The following PLPP7 variants were observed in gnomAD, a reference collection of about 807,000 sequenced individuals.
PLPP7 encodes the protein inactive phospholipid phosphatase 7.
In PLPP7, 11 loss-of-function variants were observed where a neutral mutation model predicts 16.9. The observed-to-expected ratio is 0.65, with a 90% CI of 0.41 to 1.08. PLPP7 has a LOEUF of 1.08. Ranked by LOEUF, PLPP7 falls within the 50% of genes least tolerant of loss-of-function variation. The pLI, the probability that PLPP7 is intolerant of heterozygous loss-of-function variation, is 0.00. For synonymous variants in PLPP7, 174 were observed against 175.1 expected, an observed-to-expected ratio of 0.99 and a Z score of 0.05; for missense variants, 358 against 397.1, an observed-to-expected ratio of 0.90 and a Z score of 0.84.
intron 1 of PLPP7, among the ~76,000 whole-genome samples, chr9:131,296,140 A>G (rs1487181803): frequency 2.0e-5 from 3 of 152,126 alleles, no homozygotes; most frequent in African/African-American, 7.2e-5. Flanking sequence ...GGGCTCCCAT[A>G]TATCCACATC....
chr9:131,297,408 G>C (rs1835745939), intron 1 of PLPP7, among the ~76,000 whole-genome samples: 1 of 143,172 alleles, frequency 7.0e-6, no homozygotes, highest in South Asian at 2.4e-4. Flanking sequence ...TTTTTCTGAA[G>C]AGAGTCTTGC....
intron 1 of PLPP7, among the ~76,000 whole-genome samples, chr9:131,300,793 T>C (rs2478861): frequency 0.69 from 103,451 of 150,930 alleles, 36,013 homozygotes; most frequent in Middle Eastern, 0.79. Context: ...GTGGGGAGGT[T>C]GAGGCACCCA....
chr9:131,291,468 C>T (rs780190797), intron 1 of PLPP7: 2 of 1,047,608 alleles, frequency 1.9e-6, no homozygotes, highest in Non-Finnish European at 1.2e-6. Context: ...AGGCTCTATG[C>T]TCTCTGGGTG....
chr9:131,307,158 A>G (rs1164132514), intron 1 of PLPP7, among the ~76,000 whole-genome samples: 1 of 151,580 alleles, frequency 6.6e-6, no homozygotes, highest in African/African-American at 2.4e-5. Flanking sequence ...AAGTATGAGA[A>G]TTCCTTGAAC....
chr9:131,307,828 G>A, intron 1 of PLPP7, 95 bp from the exon 2 acceptor site: 1 of 1,292,806 alleles, frequency 7.7e-7, no homozygotes, highest in African/African-American at 1.5e-5. Context: ...TGAGTGAGGA[G>A]CAGAAAGGGG....
At chr9:131,298,495 AC>A (rs1416787964) in intron 1 of PLPP7, among the ~76,000 whole-genome samples, 1 of 148,282 alleles carries the variant, frequency 6.7e-6, no homozygotes, top group African/African-American at 2.5e-5. Context: ...TTCACCTCCC[AC>A]CCCTACCCCA....
At chr9:131,301,484 A>G (rs1202514082) in intron 1 of PLPP7, among the ~76,000 whole-genome samples, 3 of 152,066 alleles carry the variant, frequency 2.0e-5, no homozygotes, top group African/African-American at 7.2e-5. Flanking sequence ...GTCACCAACC[A>G]CCACCACCAG....
At chr9:131,303,554 A>C (rs1031480949) in intron 1 of PLPP7, among the ~76,000 whole-genome samples, 1 of 151,444 alleles carries the variant, frequency 6.6e-6, no homozygotes, top group South Asian at 2.1e-4. Flanking sequence ...AATACTGAAA[A>C]GTTTTCTAGG....
In PLPP7 at chr9:131,292,272, C is replaced by T. The variant is rs143255882; in HGVS notation, c.451+1824C>T. 6.4e-4 allele frequency among the ~76,000 whole-genome samples: 98 copies of T among 152,318 alleles called. No individual in the cohort carries two copies. In the East Asian group the frequency reaches 0.016, roughly 25 times the overall value. On this transcript the variant is annotated intron_variant, in intron 1 of 1. Transcript: ENST00000372264. ...GCTGTCAGAAGATGGGGTGGGAAGG[C>T]ATACACTCCAGTCTGTCTCTCAACC...
In PLPP7 at chr9:131,289,831, A is replaced by G. The variant is rs1835641200; in HGVS notation, c.-167A>G. The G allele has an allele frequency of 2.1e-6, 1 of 487,616 alleles. No individual in the cohort carries two copies. The highest frequency in any genetic ancestry group is 4.4e-5 in the Admixed American group (1 of 22,954). The allele number at this position is 487,616 out of a possible 1,614,324, so 30.2% of individuals were successfully genotyped here. A position where few individuals can be genotyped will look rare whatever the true frequency, so the allele number is the denominator to read the frequency against. ...TGACGTCCCCTTGGAGCTGGGTGGC[A>G]GAGGAGATAAACAGCCATGTGCAAC... On this transcript the variant is annotated 5_prime_UTR_variant, in exon 1 of 2. Coordinates refer to ENST00000372264, the MANE Select transcript of PLPP7 (RefSeq NM_032728.4).
In PLPP7 at chr9:131,308,189, G is replaced by A. The variant is rs146890476; in HGVS notation, c.718G>A (p.Val240Ile). 17 of 1,599,964 alleles carry A rather than the reference G, an allele frequency of 1.1e-5. No individual in the cohort carries two copies. The highest frequency in any genetic ancestry group is 3.3e-5 in the South Asian group (3 of 91,090). Residue 240 changes from valine (V) to isoleucine (I), a missense_variant, in exon 2 of 2, where the codon GTC becomes ATC. Transcript: ENST00000372264. Reference sequence around the variant, plus strand: ...GATCGGCCGCCACCACGTCACGGACGTCCTCTCCGGCTTTGTCATCGGCTA... The same window carrying A: ...GATCGGCCGCCACCACGTCACGGACATCCTCTCCGGCTTTGTCATCGGCTA... ...VMIGRHHVTD[V>I]LSGFVIGYLQ... is the part of the protein sequence containing the mutation.
chr9:131,293,185 C>T (rs774667844), intron 1 of PLPP7, among the ~76,000 whole-genome samples: 4 of 152,152 alleles, frequency 2.6e-5, no homozygotes, highest in Non-Finnish European at 4.4e-5. Flanking sequence ...GAAGTAAATC[C>T]AAGGCCCCGT....
chr9:131,291,557 CTTTTT>C (rs940950338), intron 1 of PLPP7: 62 of 161,726 alleles, frequency 3.8e-4, no homozygotes, highest in Non-Finnish European at 5.9e-4. Flanking sequence ...TTTCTTGTTC[CTTTTT>C]TTTTTTTTTT....
At position 131,290,678 on chromosome 9, in the gene PLPP7, G is replaced by T. The variant is rs1835662519; in HGVS notation, c.451+230G>T. Among the ~76,000 whole-genome samples the T allele has an allele frequency of 6.6e-6, 1 of 152,232 alleles. No individual in the cohort carries two copies. The highest frequency in any genetic ancestry group is 1.5e-5 in the Non-Finnish European group (1 of 68,040). Reference sequence around the variant, plus strand: ...TGCCACATGCCAAATGAAGACAGAGGCCATTGCGGCCCTGTGAGAAGGACC... The same window carrying T: ...TGCCACATGCCAAATGAAGACAGAGTCCATTGCGGCCCTGTGAGAAGGACC... On this transcript the variant is annotated intron_variant, in intron 1 of 1. Transcript: ENST00000372264. The surrounding 1 kb of genome is among the most constrained non-coding windows in gnomAD (Gnocchi z 4.2).
intron 1 of PLPP7, among the ~76,000 whole-genome samples, chr9:131,299,991 A>G (rs953009411): frequency 3.9e-5 from 6 of 152,252 alleles, no homozygotes; most frequent in Non-Finnish European, 7.3e-5. Flanking sequence ...TGAAATAGCC[A>G]CAGCTTCCCA....
At position 131,289,993 on chromosome 9, in the gene PLPP7, T is replaced by G; in HGVS notation, c.-5T>G. ...ATCGGCCTTCTCGGGGTGAGCGAGG[T>G]CACCATGCCAGCTTCCCAGAGCCGG... On this transcript the variant is annotated 5_prime_UTR_variant, in exon 1 of 2. Coordinates refer to ENST00000372264, the MANE Select transcript of PLPP7 (RefSeq NM_032728.4). 1 of 1,426,608 alleles carries G rather than the reference T, an allele frequency of 7.0e-7. No homozygotes were observed. Among genetic ancestry groups the G allele is most frequent in the Non-Finnish European group, 9.1e-7 (1 of 1,094,556 alleles). The allele number at this position is 1,426,608 out of a possible 1,614,324, so 88.4% of individuals were successfully genotyped here.
intron 1 of PLPP7, among the ~76,000 whole-genome samples, chr9:131,306,316 C>A (rs1191903): frequency 0.66 from 100,456 of 151,832 alleles, 34,323 homozygotes; most frequent in Middle Eastern, 0.78. Context: ...CCAAGGCAAG[C>A]GGATCACTTG....
intron 1 of PLPP7, among the ~76,000 whole-genome samples, chr9:131,301,123 C>T (rs1835794433): frequency 6.6e-6 from 1 of 152,128 alleles, no homozygotes; most frequent in Non-Finnish European, 1.5e-5. Context: ...TGCCTGCCAC[C>T]ACATCCAGCT....
At chr9:131,299,818 C>T (rs1564247459) in intron 1 of PLPP7, among the ~76,000 whole-genome samples, 4 of 152,196 alleles carry the variant, frequency 2.6e-5, no homozygotes, top group African/African-American at 9.6e-5. Context: ...ACCCAAGAAC[C>T]GGCGGTGCCC....
Sources: allele counts gnomAD v4.1 joint callset (sites outside exome capture counted in the v4.1 genomes callset), GRCh38; gene constraint gnomAD v4.1.1; non-coding constraint Gnocchi (gnomAD v3.1); transcripts MANE v1.5; gene names NCBI Gene and HGNC (gene_info 2026-07-23, HGNC 2026-07-21).